DSCAM: variants seen among roughly 807,000 people sequenced by gnomAD.
DSCAM encodes DS cell adhesion molecule, also known as cell adhesion molecule DSCAM.
DSCAM carries 47 observed loss-of-function variants against 217.7 expected under a neutral mutation model. The ratio of observed to expected loss-of-function variants is 0.22; its 90% CI spans 0.17 to 0.28. The LOEUF (loss-of-function observed/expected upper bound fraction) is 0.28, where lower values mean the gene tolerates loss of function less well. Among genes scored for constraint, DSCAM ranks in the 10% least tolerant of loss-of-function variants. The pLI, the probability that DSCAM is intolerant of heterozygous loss-of-function variation, is 1.00. For missense variants in DSCAM, 2,080 were observed against 2,618.3 expected (o/e 0.79, Z 4.49); for synonymous variants, 1,056 against 1,015.3 (o/e 1.04, Z -0.76).
In DSCAM at chr21:40,249,023, C is replaced by G. The variant is rs1028717012; in HGVS notation, c.2356+27074G>C. Among the ~76,000 whole-genome samples, 11 of 152,154 alleles carry G rather than the reference C, an allele frequency of 7.2e-5. No homozygotes were observed. The South Asian group carries it at 1.7e-3, about 23-fold the overall frequency. On this transcript the variant is annotated intron_variant, in intron 11 of 32. Transcript: ENST00000400454. ...CACGAATAGCACAGGAAAGACTGAC[C>G]CCCATGATTCAATTATCTCCCACTG...
chr21:40,493,895 T>C (rs925275753), intron 3 of DSCAM, among the ~76,000 whole-genome samples: 97 of 142,494 alleles, frequency 6.8e-4, no homozygotes, highest in Middle Eastern at 7.5e-3. Flanking sequence ...TACATATATA[T>C]ACATATATAT....
rs200214245 is a variant in DSCAM, at chr21:40,409,153, T to G, written c.509-39908A>C. On this transcript the variant is annotated intron_variant, in intron 3 of 32. Coordinates refer to ENST00000400454, the MANE Select transcript of DSCAM (RefSeq NM_001389.5). ...GTCATAAAAACTGTACAGTAAATACTGGCAATACCTTTAGCTTCTGAGTAT... is the reference window on the plus strand; with the variant it reads ...GTCATAAAAACTGTACAGTAAATACGGGCAATACCTTTAGCTTCTGAGTAT... Among the ~76,000 whole-genome samples, 27 of 152,334 alleles carry G rather than the reference T, an allele frequency of 1.8e-4. No homozygotes were observed. The East Asian group carries it at 5.2e-3, about 29-fold the overall frequency.
At chr21:40,302,248 C>A (rs111353040) in intron 9 of DSCAM, among the ~76,000 whole-genome samples, 4,083 of 152,130 alleles carry the variant, frequency 0.027, 188 homozygotes, top group African/African-American at 0.092. Flanking sequence ...CAATTCCCAC[C>A]TATTGTGGGA....
chr21:40,672,538 G>A (rs942684200), intron 3 of DSCAM, among the ~76,000 whole-genome samples: 1 of 152,064 alleles, frequency 6.6e-6, no homozygotes, highest in African/African-American at 2.4e-5. Flanking sequence ...AAAACAGCTT[G>A]AGCAAAGGTA....
chr21:40,577,000 TAAAAA>T (rs59503954), intron 3 of DSCAM, among the ~76,000 whole-genome samples: 1 of 140,186 alleles, frequency 7.1e-6, no homozygotes, highest in African/African-American at 2.6e-5. Context: ...AACAATAAAA[TAAAAA>T]AAAAAATAAG....
intron 8 of DSCAM, among the ~76,000 whole-genome samples, chr21:40,322,059 A>G (rs777010488): frequency 6.6e-5 from 10 of 152,116 alleles, no homozygotes; most frequent in Non-Finnish European, 1.3e-4. Flanking sequence ...ATAAATGTCC[A>G]CTTCCTCTGC....
At chr21:40,824,599 G>A (rs553919948) in intron 1 of DSCAM, among the ~76,000 whole-genome samples, 1 of 151,916 alleles carries the variant, frequency 6.6e-6, no homozygotes, top group Non-Finnish European at 1.5e-5. Context: ...TATTTTTGTA[G>A]AGATTGGGTC....
At chr21:40,717,239 G>C (rs2090851795) in intron 1 of DSCAM, among the ~76,000 whole-genome samples, 1 of 152,226 alleles carries the variant, frequency 6.6e-6, no homozygotes, top group Admixed American at 6.5e-5. Flanking sequence ...CCAAGGCGTG[G>C]AAGGGTGCTG....
At chr21:40,779,547 G>T (rs1379753707) in intron 1 of DSCAM, among the ~76,000 whole-genome samples, 1 of 152,188 alleles carries the variant, frequency 6.6e-6, no homozygotes, top group East Asian at 1.9e-4. Flanking sequence ...AGGCGAAGCT[G>T]CTGTCCTCAT....
At chr21:40,133,617 C>A (rs199883234) in intron 19 of DSCAM, among the ~76,000 whole-genome samples, 1 of 149,200 alleles carries the variant, frequency 6.7e-6, no homozygotes. Context: ...AAACAAAAAA[C>A]AAAAAAAAAG....
chr21:40,510,829 C>T (rs1368834356), intron 3 of DSCAM, among the ~76,000 whole-genome samples: 1 of 152,204 alleles, frequency 6.6e-6, no homozygotes, highest in Non-Finnish European at 1.5e-5. Context: ...TGGAGAACTC[C>T]TGATAAGACC....
At chr21:40,425,533 C>T (rs2075464655) in intron 3 of DSCAM, among the ~76,000 whole-genome samples, 2 of 148,302 alleles carry the variant, frequency 1.3e-5, no homozygotes, top group South Asian at 2.2e-4. Flanking sequence ...ATTTTTTTAC[C>T]CCCCCCTAAA....
chr21:40,067,067 T>C (rs1263970864), intron 27 of DSCAM, among the ~76,000 whole-genome samples: 2 of 152,206 alleles, frequency 1.3e-5, no homozygotes, highest in Admixed American at 6.5e-5. Flanking sequence ...ACATCAGGGC[T>C]TAGCCTAGCC....
chr21:40,558,652 C>A (rs1295942977), intron 3 of DSCAM, among the ~76,000 whole-genome samples: 1 of 152,136 alleles, frequency 6.6e-6, no homozygotes, highest in East Asian at 1.9e-4. Context: ...CTCTTCATAG[C>A]TTATGCATCA....
intron 16 of DSCAM, among the ~76,000 whole-genome samples, chr21:40,152,914 A>G (rs1281251938): frequency 3.3e-5 from 5 of 152,262 alleles, no homozygotes; most frequent in African/African-American, 9.6e-5. Flanking sequence ...CTGGATGTGC[A>G]GAATTCACCT....
At chr21:40,597,874 G>A (rs1391790104) in intron 3 of DSCAM, among the ~76,000 whole-genome samples, 1 of 152,136 alleles carries the variant, frequency 6.6e-6, no homozygotes, top group African/African-American at 2.4e-5. Flanking sequence ...GAGCTCCCAT[G>A]CACTGTCCCC....
intron 15 of DSCAM, among the ~76,000 whole-genome samples, chr21:40,175,770 A>AACACACACAC (rs1329501944): frequency 0.11 from 14,393 of 125,992 alleles, 894 homozygotes; most frequent in Admixed American, 0.14. Context: ...ATATTTTCTC[A>AACACACACAC]ACACACACAT....
chr21:40,347,435 G>A (rs1372971952), intron 6 of DSCAM, among the ~76,000 whole-genome samples: 1 of 152,142 alleles, frequency 6.6e-6, no homozygotes, highest in East Asian at 1.9e-4. Context: ...TAATGCACAA[G>A]TGGGCAACAT....
chr21:40,621,948 AAAG>A (rs2089524550), intron 3 of DSCAM, among the ~76,000 whole-genome samples: 1 of 146,922 alleles, frequency 6.8e-6, no homozygotes, highest in Non-Finnish European at 1.5e-5. Context: ...AAGAAAAAAG[AAAG>A]GAAGGAAGGA....
Sources: allele counts gnomAD v4.1 joint callset (sites outside exome capture counted in the v4.1 genomes callset), GRCh38; gene constraint gnomAD v4.1.1; transcripts MANE v1.5; gene names NCBI Gene and HGNC (gene_info 2026-07-23, HGNC 2026-07-21).